The following ANKFN1 variants were observed in gnomAD, a reference collection of about 807,000 sequenced individuals.
The protein encoded by ANKFN1 is ankyrin repeat and fibronectin type III domain containing 1, also known as ankyrin repeat and fibronectin type-III domain-containing protein 1.
ANKFN1 carries 74 observed loss-of-function variants against 108.7 expected under a neutral mutation model. The ratio of observed to expected loss-of-function variants is 0.68; its 90% CI spans 0.56 to 0.83. The LOEUF (loss-of-function observed/expected upper bound fraction) is 0.83. Among genes scored for constraint, ANKFN1 ranks in the 40% least tolerant of loss-of-function variants. The pLI, the probability that ANKFN1 is intolerant of heterozygous loss-of-function variation, is 0.00. For synonymous variants in ANKFN1, 547 were observed against 516.2 expected, an observed-to-expected ratio of 1.06 and a Z score of -0.81; for missense variants, 1,505 against 1,382.3, an observed-to-expected ratio of 1.09 and a Z score of -1.41.
At chr17:56,221,329 A>C (rs759494507) in intron 2 of ANKFN1, among the ~76,000 whole-genome samples, 10 of 152,226 alleles carry the variant, frequency 6.6e-5, no homozygotes, top group Non-Finnish European at 1.0e-4. Flanking sequence ...CATCCAAACT[A>C]TATCAAATAT....
chr17:56,055,535 A>C (rs1163605805), intron 4 of ANKFN1, among the ~76,000 whole-genome samples: 1 of 101,760 alleles, frequency 9.8e-6, no homozygotes, highest in Non-Finnish European at 2.1e-5. Flanking sequence ...TGTATGCCTA[A>C]TGTGGTATAT....
chr17:56,090,543 G>A (rs1425636462), intron 4 of ANKFN1, among the ~76,000 whole-genome samples: 2 of 151,216 alleles, frequency 1.3e-5, no homozygotes, highest in East Asian at 3.9e-4. Flanking sequence ...ATCTTTGATA[G>A]TCACAAACAC....
intron 4 of ANKFN1, among the ~76,000 whole-genome samples, chr17:56,129,377 G>A (rs1182918342): frequency 6.6e-6 from 1 of 151,990 alleles, no homozygotes; most frequent in Non-Finnish European, 1.5e-5. Context: ...TTTGGAGGAT[G>A]CATTAAGTAA....
chr17:56,098,992 G>A (rs1037650247), intron 4 of ANKFN1, among the ~76,000 whole-genome samples: 9 of 152,228 alleles, frequency 5.9e-5, no homozygotes, highest in South Asian at 4.1e-4. Context: ...TTTCCAGCCC[G>A]TCCACACCTG....
rs180844786 is a variant in ANKFN1, at chr17:56,466,280, C to T, written c.1558-76C>T. 2.4e-4 allele frequency: 305 copies of T among 1,266,942 alleles called. 1 individual carries two copies. The East Asian group carries it at 5.5e-3, about 23-fold the overall frequency. The allele number at this position is 1,266,942 out of a possible 1,614,324, so 78.5% of individuals were successfully genotyped here. On this transcript the variant is annotated intron_variant, in intron 14 of 20. Transcript: ENST00000682825. Reference sequence around the variant, plus strand: ...TTCTCAGAAATCAGATTATTATTCACGGTGTCTTTTGTTGCCGTTGTGTTG... The same window carrying T: ...TTCTCAGAAATCAGATTATTATTCATGGTGTCTTTTGTTGCCGTTGTGTTG...
intron 3 of ANKFN1, among the ~76,000 whole-genome samples, chr17:56,255,177 G>T (rs1390877988): frequency 6.6e-6 from 1 of 152,208 alleles, no homozygotes; most frequent in Non-Finnish European, 1.5e-5. Flanking sequence ...GCCCTGTGTT[G>T]ATGGTGTTTT....
intron 1 of ANKFN1, among the ~76,000 whole-genome samples, chr17:56,170,833 C>CACACACACACACACACAT (rs1910629016): frequency 7.3e-6 from 1 of 137,758 alleles, no homozygotes; most frequent in Non-Finnish European, 1.6e-5. Flanking sequence ...CACACACACA[C>CACACACACACACACACAT]ATATACACAC....
At chr17:56,443,698 A>G (rs1250885577) in intron 10 of ANKFN1, among the ~76,000 whole-genome samples, 1 of 152,232 alleles carries the variant, frequency 6.6e-6, no homozygotes, top group Non-Finnish European at 1.5e-5. Flanking sequence ...AACCCAGCAA[A>G]GGCCTTCCGA....
At chr17:56,467,352 G>A (rs1162435918) in intron 15 of ANKFN1, among the ~76,000 whole-genome samples, 5 of 151,980 alleles carry the variant, frequency 3.3e-5, no homozygotes, top group Admixed American at 3.3e-4. Flanking sequence ...ACTCCCTTGG[G>A]ACAGACAGGC....
intron 4 of ANKFN1, among the ~76,000 whole-genome samples, chr17:56,070,436 TG>T (rs1905105641): frequency 6.6e-6 from 1 of 152,202 alleles, no homozygotes; most frequent in East Asian, 1.9e-4. Flanking sequence ...CACTCTTTTT[TG>T]TTATAAGGAC....
In ANKFN1 at chr17:56,326,319, C is replaced by T; in HGVS notation, c.152C>T (p.Thr51Ile). The change falls in exon 4 of 21, where the codon ACA (threonine) becomes ATA (isoleucine). Residue 51 changes from threonine (T) to isoleucine (I), a missense_variant. Physicochemically the swap from Thr to Ile is moderately conservative, Grantham distance 89. Coordinates refer to ENST00000682825, the MANE Select transcript of ANKFN1 (RefSeq NM_001370326.1). ...AATGAAAGCACTGGACAATTACCAA[C>T]AACTTGTTCCTCTGCTGCCTCGAAC... ...LLNESTGQLP[T>I]TCSSAASNSI... is the part of the protein sequence containing the mutation. 2 of 1,613,914 alleles carry T rather than the reference C, an allele frequency of 1.2e-6. No individual in the cohort carries two copies. Among genetic ancestry groups the T allele is most frequent in the South Asian group, 1.1e-5 (1 of 91,038 alleles).
At chr17:56,448,204 T>C (rs2049359280) in intron 10 of ANKFN1, among the ~76,000 whole-genome samples, 1 of 152,092 alleles carries the variant, frequency 6.6e-6, no homozygotes, top group Non-Finnish European at 1.5e-5. Context: ...TTTCTGTTTT[T>C]TCCTCCAGAA....
At chr17:56,121,903 G>T (rs1161928392) in intron 4 of ANKFN1, among the ~76,000 whole-genome samples, 1 of 152,190 alleles carries the variant, frequency 6.6e-6, no homozygotes, top group Non-Finnish European at 1.5e-5. Context: ...TCATGACAAA[G>T]TTAGACATTC....
At chr17:56,299,437 A>G (rs918657517) in intron 3 of ANKFN1, among the ~76,000 whole-genome samples, 6 of 152,154 alleles carry the variant, frequency 3.9e-5, no homozygotes, top group Non-Finnish European at 8.8e-5. Context: ...CCTCCTACAT[A>G]AAGCCTCCCC....
At chr17:56,150,386 C>A (rs927636020), upstream of ANKFN1, among the ~76,000 whole-genome samples, 1 of 152,298 alleles carries the variant, frequency 6.6e-6, no homozygotes, top group Non-Finnish European at 1.5e-5. Flanking sequence ...GTTACCGATA[C>A]CCCCTTTAGA....
intron 8 of ANKFN1, among the ~76,000 whole-genome samples, chr17:56,433,213 C>A (rs1317161002): frequency 1.3e-5 from 2 of 151,944 alleles, no homozygotes; most frequent in African/African-American, 2.4e-5. Context: ...AATCTGCAGC[C>A]AAATGGTGGC....
intron 11 of ANKFN1, among the ~76,000 whole-genome samples, chr17:56,455,861 T>A (rs2049675250): frequency 6.6e-6 from 1 of 152,238 alleles, no homozygotes; most frequent in Non-Finnish European, 1.5e-5. Context: ...AATGTCTGTT[T>A]TCCCAGGCAC....
At chr17:56,377,706 T>C (rs910495648) in intron 8 of ANKFN1, among the ~76,000 whole-genome samples, 1 of 152,216 alleles carries the variant, frequency 6.6e-6, no homozygotes, top group Non-Finnish European at 1.5e-5. Flanking sequence ...TTATGTCATT[T>C]CTCTGCAGGC....
chr17:56,390,021 T>A (rs1208516956), intron 8 of ANKFN1, among the ~76,000 whole-genome samples: 3 of 152,134 alleles, frequency 2.0e-5, no homozygotes, highest in African/African-American at 4.8e-5. Context: ...CATTTTCTTT[T>A]TTTTTTATTT....
Sources: allele counts gnomAD v4.1 joint callset (sites outside exome capture counted in the v4.1 genomes callset), GRCh38; gene constraint gnomAD v4.1.1; transcripts MANE v1.5; gene names NCBI Gene and HGNC (gene_info 2026-07-23, HGNC 2026-07-21).